Variants in GRIP1 observed in about 807,000 individuals in gnomAD.
GRIP1 encodes glutamate receptor-interacting protein 1.
Under a neutral mutation model 129.9 loss-of-function variants are expected in GRIP1, and 45 were observed. The ratio of observed to expected loss-of-function variants is 0.35; its 90% CI spans 0.27 to 0.44. GRIP1 has a LOEUF of 0.44. Ranked by LOEUF, GRIP1 falls within the 20% of genes least tolerant of loss-of-function variation. The pLI, the probability that GRIP1 is intolerant of heterozygous loss-of-function variation, is 1.00. For synonymous variants in GRIP1, 530 were observed against 520.8 expected, an observed-to-expected ratio of 1.02 and a Z score of -0.24; for missense variants, 1,196 against 1,396.8, an observed-to-expected ratio of 0.86 and a Z score of 2.29.
intron 2 of GRIP1, among the ~76,000 whole-genome samples, chr12:66,556,538 T>C (rs2139359704): frequency 6.6e-6 from 1 of 152,040 alleles, no homozygotes; most frequent in South Asian, 2.1e-4. Flanking sequence ...AGTATAACAC[T>C]GTAATGGTGG....
chr12:66,934,333 T>C (rs1449818981), intron 1 of GRIP1, among the ~76,000 whole-genome samples: 1 of 152,202 alleles, frequency 6.6e-6, no homozygotes, highest in Non-Finnish European at 1.5e-5. Context: ...AGTTCAGACA[T>C]TATCTCCTCC....
At chr12:66,843,547 C>A (rs1364438826) in intron 1 of GRIP1, among the ~76,000 whole-genome samples, 1 of 152,084 alleles carries the variant, frequency 6.6e-6, no homozygotes. Flanking sequence ...CTCACACTTT[C>A]CAGTTTCAAA....
chr12:66,389,060 G>A (rs1398743433), intron 19 of GRIP1, among the ~76,000 whole-genome samples: 1 of 152,192 alleles, frequency 6.6e-6, no homozygotes, highest in East Asian at 1.9e-4. Context: ...TGGGAACAAG[G>A]CAACTATTAC....
chr12:66,785,309 TACATAC>T (rs1390670741), intron 1 of GRIP1, among the ~76,000 whole-genome samples: 7 of 65,844 alleles, frequency 1.1e-4, no homozygotes, highest in African/African-American at 3.7e-4. Flanking sequence ...GAATTTAACA[TACATAC>T]ATACATACAT....
chr12:66,855,212 A>C (rs904089241), intron 1 of GRIP1, among the ~76,000 whole-genome samples: 1 of 151,990 alleles, frequency 6.6e-6, no homozygotes, highest in African/African-American at 2.4e-5. Context: ...ATAACCAATC[A>C]AATGCTATTA....
chr12:66,473,438 A>G (rs1410812667), intron 7 of GRIP1, among the ~76,000 whole-genome samples: 4 of 152,230 alleles, frequency 2.6e-5, no homozygotes, highest in Non-Finnish European at 4.4e-5. Context: ...CTGGCTCTGA[A>G]GAGAGCAGCA....
At chr12:66,886,945 A>G (rs2040575310) in intron 1 of GRIP1, among the ~76,000 whole-genome samples, 1 of 152,182 alleles carries the variant, frequency 6.6e-6, no homozygotes, top group African/African-American at 2.4e-5. Context: ...TCACACACCT[A>G]AGTGAGAGCT....
chr12:66,815,347 A>G (rs969241623), intron 1 of GRIP1, among the ~76,000 whole-genome samples: 1 of 152,094 alleles, frequency 6.6e-6, no homozygotes, highest in Non-Finnish European at 1.5e-5. Flanking sequence ...CATTTTTCAG[A>G]AAACTCTGCC....
chr12:67,035,964 T>C (rs987794114), intron 1 of GRIP1, among the ~76,000 whole-genome samples: 1 of 152,108 alleles, frequency 6.6e-6, no homozygotes, highest in Non-Finnish European at 1.5e-5. Flanking sequence ...CCCCACAGAA[T>C]ACATTCTAAA....
intron 1 of GRIP1, among the ~76,000 whole-genome samples, chr12:67,055,092 G>A (rs1054735999): frequency 6.6e-6 from 1 of 152,224 alleles, no homozygotes; most frequent in African/African-American, 2.4e-5. Flanking sequence ...CTACTATGGA[G>A]TTAATACAGG....
intron 3 of GRIP1, among the ~76,000 whole-genome samples, chr12:66,540,090 C>T (rs1315253047): frequency 1.3e-5 from 2 of 152,222 alleles, no homozygotes; most frequent in Non-Finnish European, 2.9e-5. Flanking sequence ...TGGCCCTTAC[C>T]TCACTTTCCT....
At chr12:66,428,607 G>A (rs2058056712) in intron 14 of GRIP1, among the ~76,000 whole-genome samples, 1 of 152,152 alleles carries the variant, frequency 6.6e-6, no homozygotes, top group Non-Finnish European at 1.5e-5. Context: ...TGCTAAGTCA[G>A]AGACAATGGG....
chr12:66,483,864 C>CTT (rs35891506), intron 7 of GRIP1, among the ~76,000 whole-genome samples: 1 of 146,002 alleles, frequency 6.8e-6, no homozygotes, highest in African/African-American at 2.5e-5. Context: ...ATCCTAACTT[C>CTT]TTTTTTTTTT....
chr12:66,767,877 C>T (rs1453770325), intron 1 of GRIP1, among the ~76,000 whole-genome samples: 1 of 152,120 alleles, frequency 6.6e-6, no homozygotes, highest in Non-Finnish European at 1.5e-5. Context: ...TTTTGAACAA[C>T]GTGAAGGTAC....
chr12:66,569,112 T>C, intron 2 of GRIP1: 1 of 230,564 alleles, frequency 4.3e-6, no homozygotes, highest in South Asian at 5.1e-5. Flanking sequence ...TTCAGTTTTC[T>C]TTCTCTGCTT....
At chr12:67,041,164 T>C (rs1297038444) in intron 1 of GRIP1, among the ~76,000 whole-genome samples, 2 of 152,126 alleles carry the variant, frequency 1.3e-5, no homozygotes, top group Non-Finnish European at 2.9e-5. Context: ...TTTCTCTCTC[T>C]CTCTCTATAT....
At chr12:66,958,487 C>T (rs2041875884) in intron 1 of GRIP1, among the ~76,000 whole-genome samples, 1 of 152,170 alleles carries the variant, frequency 6.6e-6, no homozygotes, top group South Asian at 2.1e-4. Flanking sequence ...GCTCCTCATC[C>T]TGTTTCCTGT....
At chr12:66,557,685 C>T (rs957539260) in intron 2 of GRIP1, among the ~76,000 whole-genome samples, 1 of 152,098 alleles carries the variant, frequency 6.6e-6, no homozygotes, top group African/African-American at 2.4e-5. Context: ...TCAACAAACA[C>T]ATGGAAATGA....
At chr12:66,471,137 C>A (rs1428660855) in intron 7 of GRIP1, among the ~76,000 whole-genome samples, 1 of 152,172 alleles carries the variant, frequency 6.6e-6, no homozygotes, top group Non-Finnish European at 1.5e-5. Context: ...TGGCAAGTGG[C>A]TCTGGAGGTA....
Sources: allele counts gnomAD v4.1 joint callset (sites outside exome capture counted in the v4.1 genomes callset), GRCh38; gene constraint gnomAD v4.1.1; transcripts MANE v1.5; gene names NCBI Gene and HGNC (gene_info 2026-07-23, HGNC 2026-07-21).